Variants in PEMT observed in about 807,000 individuals in gnomAD.
PEMT encodes the protein phospholipid methyltransferase.
In PEMT, 23 loss-of-function variants were observed where a neutral mutation model predicts 27.4. The ratio of observed to expected loss-of-function variants is 0.84; its 90% CI spans 0.60 to 1.19. The LOEUF (loss-of-function observed/expected upper bound fraction) is 1.19, where lower values mean the gene tolerates loss of function less well. Among genes scored for constraint, PEMT ranks in the 50% most tolerant of loss-of-function variants. The pLI, the probability that PEMT is intolerant of heterozygous loss-of-function variation, is 0.00. For synonymous variants in PEMT, 137 were observed against 139.1 expected (o/e 0.98, Z 0.11); for missense variants, 307 against 310.1 (o/e 0.99, Z 0.07).
intron 2 of PEMT, among the ~76,000 whole-genome samples, chr17:17,560,358 G>A (rs1910387035): frequency 6.6e-6 from 1 of 152,222 alleles, no homozygotes; most frequent in African/African-American, 2.4e-5. Flanking sequence ...CTCGCCAGCC[G>A]GGGCCAGGTC....
At chr17:17,526,353 G>A (rs1165761220) in intron 2 of PEMT, among the ~76,000 whole-genome samples, 2 of 152,184 alleles carry the variant, frequency 1.3e-5, no homozygotes, top group East Asian at 1.9e-4. Context: ...GCCAAAAGCC[G>A]ACAGCACTTC....
chr17:17,585,075 C>T (rs542433601), intron 1 of PEMT, among the ~76,000 whole-genome samples: 16 of 152,326 alleles, frequency 1.1e-4, no homozygotes, highest in South Asian at 6.2e-4. Context: ...CGGTGGCTCA[C>T]GCCTGTAATC....
chr17:17,561,017 G>A lies in PEMT; in HGVS notation c.204+15903C>T, dbSNP rs144119171. On this transcript the variant is annotated intron_variant, in intron 2 of 6. Coordinates refer to ENST00000255389, the MANE Select transcript of PEMT (RefSeq NM_148172.3). The surrounding 1 kb of genome is among the most constrained non-coding windows in gnomAD (Gnocchi z 4.5). ...TGTGACTGAAGATAGCAAGGACCCC[G>A]GCCGCGCCTTCCTCTCCCCTCTCTC... Among the ~76,000 whole-genome samples the A allele has an allele frequency of 3.6e-4, 55 of 152,104 alleles. No homozygotes were observed. The highest frequency in any genetic ancestry group is 1.2e-3 in the African/African-American group (49 of 41,484).
At chr17:17,539,279 A>G (rs1246973094) in intron 2 of PEMT, among the ~76,000 whole-genome samples, 1 of 152,026 alleles carries the variant, frequency 6.6e-6, no homozygotes, top group Non-Finnish European at 1.5e-5. Flanking sequence ...CTGTGCCCCA[A>G]CCAGGTCTAT....
intron 2 of PEMT, among the ~76,000 whole-genome samples, chr17:17,542,579 C>T (rs375117494): frequency 4.6e-5 from 7 of 152,256 alleles, no homozygotes; most frequent in East Asian, 3.9e-4. Flanking sequence ...GCAGGGCCTT[C>T]GTGTTTTGGT....
chr17:17,575,043 A>G (rs1458404187), intron 2 of PEMT, among the ~76,000 whole-genome samples: 4 of 152,208 alleles, frequency 2.6e-5, no homozygotes, highest in African/African-American at 9.6e-5. Flanking sequence ...ATGACTGCCA[A>G]CTTAGGGGCT....
intron 2 of PEMT, among the ~76,000 whole-genome samples, chr17:17,556,729 C>T (rs1351781534): frequency 2.0e-5 from 3 of 152,160 alleles, no homozygotes; most frequent in Admixed American, 6.6e-5. Context: ...GAAGCCTCCT[C>T]CCTCCTTCAG....
chr17:17,587,682 C>T (rs1470906195), intron 1 of PEMT, among the ~76,000 whole-genome samples: 3 of 151,978 alleles, frequency 2.0e-5, no homozygotes, highest in Admixed American at 2.0e-4. Context: ...GGCCAACAAC[C>T]CTGTCGCTAC....
intron 5 of PEMT, among the ~76,000 whole-genome samples, chr17:17,509,166 C>T (rs1480885854): frequency 1.3e-5 from 2 of 152,272 alleles, no homozygotes; most frequent in Non-Finnish European, 2.9e-5. Context: ...AGGACCAGGG[C>T]TGAGCAGCTG....
At chr17:17,548,443 A>T (rs928191256) in intron 2 of PEMT, among the ~76,000 whole-genome samples, 1 of 152,168 alleles carries the variant, frequency 6.6e-6, no homozygotes, top group South Asian at 2.1e-4. Flanking sequence ...TGCACTGGAG[A>T]TCATGTCACC....
intron 2 of PEMT, among the ~76,000 whole-genome samples, chr17:17,544,548 G>A (rs1008211987): frequency 6.6e-6 from 1 of 152,106 alleles, no homozygotes; most frequent in Non-Finnish European, 1.5e-5. Flanking sequence ...ACAGGCAGGA[G>A]CCACCGCATC....
chr17:17,509,335 C>G (rs1485603033), intron 5 of PEMT, 99 bp downstream of exon 5: 32 of 744,888 alleles, frequency 4.3e-5, no homozygotes, highest in Non-Finnish European at 1.4e-5. Flanking sequence ...TTCTTCCTTT[C>G]TCTCTCTCCA....
chr17:17,584,019 G>C (rs1382645375), intron 1 of PEMT, among the ~76,000 whole-genome samples: 1 of 152,174 alleles, frequency 6.6e-6, no homozygotes, highest in Non-Finnish European at 1.5e-5. Context: ...AACTCAAAAG[G>C]CACTGACAGC....
intron 2 of PEMT, among the ~76,000 whole-genome samples, chr17:17,524,766 A>C (rs1000496778): frequency 6.6e-6 from 1 of 152,082 alleles, no homozygotes; most frequent in South Asian, 2.1e-4. Context: ...TTCTGTAGCC[A>C]TCCTAGTGGG....
chr17:17,508,188 C>G (rs73978954), intron 5 of PEMT: 1,550 of 152,652 alleles, frequency 0.01, 30 homozygotes, highest in African/African-American at 0.035. Flanking sequence ...AACCCTAAGC[C>G]TGCAGGGACG....
intron 2 of PEMT, among the ~76,000 whole-genome samples, chr17:17,558,711 G>A (rs1450246501): frequency 6.6e-6 from 1 of 150,642 alleles, no homozygotes; most frequent in East Asian, 1.9e-4. Context: ...AAAAAGAAAG[G>A]GCAGCAGAGT....
chr17:17,518,369 C>G (rs1292839605), intron 3 of PEMT, among the ~76,000 whole-genome samples: 1 of 152,240 alleles, frequency 6.6e-6, no homozygotes, highest in Non-Finnish European at 1.5e-5. Flanking sequence ...CCAAGTTCAG[C>G]TGTGCAGGGG....
At position 17,554,219 on chromosome 17, in the gene PEMT, G is replaced by A. The variant is rs77229060; in HGVS notation, c.204+22701C>T. ...TGGTTTTCAGTACAAAGAAGACAGC[G>A]TTAGAGACCCGGCCCCCTCCCCTCA... On this transcript the variant is annotated intron_variant, in intron 2 of 6. Coordinates refer to ENST00000255389, the MANE Select transcript of PEMT (RefSeq NM_148172.3). Among the ~76,000 whole-genome samples the A allele has an allele frequency of 2.2e-3, 330 of 152,358 alleles. 3 individuals are homozygous for A. The highest frequency in any genetic ancestry group is 7.6e-3 in the African/African-American group (318 of 41,584).
chr17:17,531,620 G>GAAAAAAAAAA (rs1567689662), intron 2 of PEMT, among the ~76,000 whole-genome samples: 4 of 20,472 alleles, frequency 2.0e-4, no homozygotes, highest in Non-Finnish European at 3.3e-4. Context: ...GCTATCATAT[G>GAAAAAAAAAA]CAAAAAAAAA....
Sources: gnomAD v4.1 joint callset for allele counts (sites outside exome capture counted in the v4.1 genomes callset) on GRCh38, gnomAD v4.1.1 for gene constraint, Gnocchi (gnomAD v3.1) non-coding constraint, MANE v1.5 for transcripts, NCBI Gene and HGNC (gene_info 2026-07-23, HGNC 2026-07-21) for gene names.